TUBGCP5: variants seen among roughly 807,000 people sequenced by gnomAD.
TUBGCP5 encodes gamma-tubulin complex component 5.
In TUBGCP5, 98 loss-of-function variants were observed where a neutral mutation model predicts 134.7. The ratio of observed to expected loss-of-function variants is 0.73; its 90% CI spans 0.62 to 0.86. TUBGCP5 has a LOEUF of 0.86. Ranked by LOEUF, TUBGCP5 falls within the 40% of genes least tolerant of loss-of-function variation. The pLI, the probability that TUBGCP5 is intolerant of heterozygous loss-of-function variation, is 0.00. For synonymous variants in TUBGCP5, 456 were observed against 431.4 expected (o/e 1.06, Z -0.71); for missense variants, 1,150 against 1,244.8 (o/e 0.92, Z 1.15).
In TUBGCP5 at chr15:23,030,992, T is replaced by C. The variant is rs1367378611; in HGVS notation, c.515A>G (p.Asn172Ser). ...PNWSEESEEE[N>S]DQQPLSREDS... is the part of the protein sequence containing the mutation. ...CTCTCTGCTTAAGGGCTGTTGATCA[T>C]TTTCCTCTTCACTTTCTTCAGACCA... Residue 172 changes from asparagine to serine, a missense_variant, in exon 6 of 23, where the codon AAT becomes AGT. Transcript: ENST00000615383. 6.2e-7 allele frequency: 1 copy of C among 1,612,870 alleles called. No homozygotes were observed. Among genetic ancestry groups the C allele is most frequent in the Non-Finnish European group, 8.5e-7 (1 of 1,179,664 alleles).
intron 3 of TUBGCP5, among the ~76,000 whole-genome samples, chr15:23,035,085 T>A (rs1477155662): frequency 6.6e-6 from 1 of 152,016 alleles, no homozygotes; most frequent in Non-Finnish European, 1.5e-5. Context: ...CCCAGCACTT[T>A]GGGAGGCCAA....
chr15:23,005,395 C>T (rs369008753), intron 19 of TUBGCP5, 37 bp downstream of exon 19: 21 of 1,604,818 alleles, frequency 1.3e-5, no homozygotes, highest in African/African-American at 8.0e-5. Context: ...TGTATAGATA[C>T]GACGATAGAA....
rs1567106754 is a variant in TUBGCP5, at chr15:23,005,418, G to T, written c.2712+14C>A. 1 of 1,612,618 alleles carries T rather than the reference G, an allele frequency of 6.2e-7. No individual in the cohort carries two copies. Among genetic ancestry groups the T allele is most frequent in the African/African-American group, 1.3e-5 (1 of 74,858 alleles). On this transcript the variant is annotated intron_variant, in intron 19 of 22. Transcript: ENST00000615383. ...TACGACGATAGAACTGAAGCAGATGGGAGAGGCACAAACCCTGGTCATGAT... is the reference window on the plus strand; with the variant it reads ...TACGACGATAGAACTGAAGCAGATGTGAGAGGCACAAACCCTGGTCATGAT...
intron 3 of TUBGCP5, among the ~76,000 whole-genome samples, chr15:23,033,365 C>T (rs1056565161): frequency 3.3e-5 from 5 of 152,046 alleles, no homozygotes; most frequent in Non-Finnish European, 7.4e-5. Flanking sequence ...GCAACCTCAG[C>T]CTCCCCTGGT....
At chr15:23,002,958 C>T in intron 21 of TUBGCP5, 107 bp downstream of exon 21, 1 of 1,071,484 alleles carries the variant, frequency 9.3e-7, no homozygotes, top group Non-Finnish European at 1.4e-6. Context: ...TCAAGCAATC[C>T]TCTCCTCTCA....
chr15:22,999,696 A>G lies in TUBGCP5; in HGVS notation c.*124T>C. The stretch of plus-strand genomic sequence containing the variant: ...GATTAGAGGCATGAGCGACTGTGCC[A>G]GGCTGACTGTGGACAAGTTTTACAA... On this transcript the variant is annotated 3_prime_UTR_variant, in exon 23 of 23. Coordinates refer to ENST00000615383, the MANE Select transcript of TUBGCP5 (RefSeq NM_052903.6). 2 of 1,084,788 alleles carry G rather than the reference A, an allele frequency of 1.8e-6. No individual in the cohort carries two copies. Among genetic ancestry groups the G allele is most frequent in the Non-Finnish European group, 2.7e-6 (2 of 730,960 alleles). 67.2% of individuals were successfully genotyped at this position (1,084,788 alleles called of 1,614,324 possible).
chr15:22,996,201 T>C (rs1386885583), downstream of TUBGCP5, among the ~76,000 whole-genome samples: 1 of 152,254 alleles, frequency 6.6e-6, no homozygotes, highest in Non-Finnish European at 1.5e-5. Flanking sequence ...CCCCAAGTGC[T>C]TGTACCATCT....
intron 13 of TUBGCP5, among the ~76,000 whole-genome samples, chr15:23,015,740 C>T (rs1232032764): frequency 1.3e-5 from 2 of 152,184 alleles, no homozygotes; most frequent in African/African-American, 4.8e-5. Flanking sequence ...GAGGCACTTG[C>T]AAACATCACT....
chr15:23,038,053 C>A (rs929910141), intron 1 of TUBGCP5, among the ~76,000 whole-genome samples: 6 of 152,172 alleles, frequency 3.9e-5, no homozygotes, highest in African/African-American at 1.4e-4. Context: ...CGTGAGCCAC[C>A]GCGCCCAGTC....
chr15:23,006,983 G>A (rs760568448), intron 16 of TUBGCP5, among the ~76,000 whole-genome samples: 2 of 152,170 alleles, frequency 1.3e-5, no homozygotes, highest in Non-Finnish European at 2.9e-5. Flanking sequence ...CACAGTCACA[G>A]AGGCACTAAG....
chr15:23,020,754 T>C (rs2065637578), intron 11 of TUBGCP5, among the ~76,000 whole-genome samples: 1 of 152,166 alleles, frequency 6.6e-6, no homozygotes, highest in Non-Finnish European at 1.5e-5. Flanking sequence ...CTATATATTG[T>C]TTGAGACAGG....
intron 3 of TUBGCP5, among the ~76,000 whole-genome samples, chr15:23,035,222 G>A (rs1051669278): frequency 5.9e-5 from 9 of 151,672 alleles, no homozygotes; most frequent in African/African-American, 1.7e-4. Flanking sequence ...CCAGCTACTC[G>A]GGAGGCTGAG....
chr15:22,985,280 G>A (rs543820674), intron 23 of TUBGCP5, among the ~76,000 whole-genome samples: 12 of 152,132 alleles, frequency 7.9e-5, no homozygotes, highest in Admixed American at 1.3e-4. Flanking sequence ...GTACAATGGC[G>A]TGATCTCTGC....
chr15:23,003,110 G>C lies in TUBGCP5; in HGVS notation c.2882C>G (p.Ala961Gly). Reference sequence around the variant, plus strand: ...CTGCCAACCGTCTGCAAACATGAGAGCCAAGTTCAACACCTTCATGATAGC... The same window carrying C: ...CTGCCAACCGTCTGCAAACATGAGACCCAAGTTCAACACCTTCATGATAGC... ...KEAIMKVLNL[A>G]LMFADGWQAG... The change falls in exon 21 of 23, where the codon GCT becomes GGT. Residue 961 changes from alanine (A) to glycine (G), a missense_variant. This residue lies in a region of TUBGCP5 where 697 missense variants were observed against 850.1 expected (regional missense o/e 0.82). Transcript: ENST00000615383. 1 of 1,614,156 alleles carries C rather than the reference G, an allele frequency of 6.2e-7. No individual in the cohort carries two copies. Among genetic ancestry groups the C allele is most frequent in the Non-Finnish European group, 8.5e-7 (1 of 1,180,026 alleles).
chr15:23,008,966 T>C, intron 15 of TUBGCP5, 85 bp from the exon 16 acceptor site: 2 of 1,101,288 alleles, frequency 1.8e-6, no homozygotes, highest in Middle Eastern at 2.1e-4. Flanking sequence ...TTGTAACCTG[T>C]TTTTAGTGGA....
At chr15:23,009,248 T>C (rs780516220) in intron 15 of TUBGCP5, among the ~76,000 whole-genome samples, 3 of 151,852 alleles carry the variant, frequency 2.0e-5, no homozygotes, top group Non-Finnish European at 4.4e-5. Flanking sequence ...TACCGTATTA[T>C]ATCTCCTGCT....
chr15:23,011,557 C>A (rs537064534), intron 13 of TUBGCP5, among the ~76,000 whole-genome samples: 2 of 149,202 alleles, frequency 1.3e-5, no homozygotes, highest in Non-Finnish European at 3.0e-5. Context: ...CAGGCTGGAG[C>A]GCAATGGCGC....
At chr15:23,019,042 G>A (rs1473014157) in intron 12 of TUBGCP5, among the ~76,000 whole-genome samples, 177 bp downstream of exon 12, 1 of 152,170 alleles carries the variant, frequency 6.6e-6, no homozygotes, top group African/African-American at 2.4e-5. Flanking sequence ...CTAATCAGCT[G>A]GTATTACTGA....
chr15:22,997,861 C>A (rs2064166478), downstream of TUBGCP5, among the ~76,000 whole-genome samples: 1 of 151,228 alleles, frequency 6.6e-6, no homozygotes, highest in African/African-American at 2.4e-5. Context: ...CATGATCCAC[C>A]CACCTTGGCT....
Sources: allele counts gnomAD v4.1 joint callset (sites outside exome capture counted in the v4.1 genomes callset), GRCh38; gene constraint gnomAD v4.1.1; regional missense constraint gnomAD v4.1.1; transcripts MANE v1.5; gene names NCBI Gene and HGNC (gene_info 2026-07-23, HGNC 2026-07-21).